Variants in MCTP1 observed in about 807,000 individuals in gnomAD.
The protein encoded by MCTP1 is multiple C2 and transmembrane domain containing 1, also known as multiple C2 and transmembrane domain-containing protein 1.
A neutral mutation model predicts 120.6 loss-of-function variants in MCTP1; 69 were observed. The observed-to-expected ratio is 0.57, with a 90% CI of 0.47 to 0.70. The LOEUF is 0.70. MCTP1 is among the 30% of genes least tolerant of loss of function. MCTP1 has a pLI of 0.00. For missense variants in MCTP1, 1,203 were observed against 1,248.8 expected (o/e 0.96, Z 0.55); for synonymous variants, 529 against 493.1 (o/e 1.07, Z -0.96).
At chr5:94,988,241 T>C (rs1036296004) in intron 2 of MCTP1, among the ~76,000 whole-genome samples, 2 of 152,234 alleles carry the variant, frequency 1.3e-5, no homozygotes, top group Non-Finnish European at 2.9e-5. Flanking sequence ...ACTTAGGGTT[T>C]ATATTAATAT....
intron 2 of MCTP1, among the ~76,000 whole-genome samples, chr5:95,001,375 G>A (rs893346076): frequency 1.3e-5 from 2 of 152,182 alleles, no homozygotes; most frequent in Non-Finnish European, 2.9e-5. Flanking sequence ...AGTTTGGAGG[G>A]CTCCGAAGAA....
chr5:95,234,010 C>G (rs1198429971), intron 1 of MCTP1, among the ~76,000 whole-genome samples: 1 of 144,002 alleles, frequency 6.9e-6, no homozygotes, highest in Non-Finnish European at 1.5e-5. Flanking sequence ...CCAGGCAGAT[C>G]AGAGAAGAAA....
intron 1 of MCTP1, among the ~76,000 whole-genome samples, chr5:95,210,736 T>C (rs1412335277): frequency 4.6e-5 from 7 of 152,120 alleles, no homozygotes; most frequent in African/African-American, 1.4e-4. Context: ...GCTGGTTATT[T>C]TGCTCGTTAG....
intron 21 of MCTP1, 25 bp downstream of exon 21, chr5:94,710,793 G>C (rs375240142): frequency 6.8e-7 from 1 of 1,470,658 alleles, no homozygotes; most frequent in East Asian, 2.3e-5. Context: ...AGACAGTTTG[G>C]GGGAGTGGGG....
chr5:95,277,485 T>C (rs756465112), intron 1 of MCTP1, among the ~76,000 whole-genome samples: 2 of 152,216 alleles, frequency 1.3e-5, no homozygotes, highest in Non-Finnish European at 2.9e-5. Context: ...TTTTGAAGCT[T>C]TTCCAGAGGT....
chr5:95,155,769 A>G (rs1745051749), intron 1 of MCTP1, among the ~76,000 whole-genome samples: 1 of 152,282 alleles, frequency 6.6e-6, no homozygotes, highest in Middle Eastern at 3.4e-3. Flanking sequence ...TTCCTCCCCC[A>G]TAGTGTTCAC....
chr5:94,968,681 A>C (rs6892740), intron 2 of MCTP1, among the ~76,000 whole-genome samples: 51,742 of 152,004 alleles, frequency 0.34, 9,093 homozygotes, highest in Middle Eastern at 0.42. Flanking sequence ...TATTGCATAA[A>C]ACCACAAGAT....
At chr5:94,775,870 C>T (rs990753619) in intron 19 of MCTP1, among the ~76,000 whole-genome samples, 1 of 150,228 alleles carries the variant, frequency 6.7e-6, no homozygotes, top group Non-Finnish European at 1.5e-5. Context: ...GGATCACAAA[C>T]CCTCACCTGA....
intron 11 of MCTP1, among the ~76,000 whole-genome samples, chr5:94,894,186 G>T (rs1041895053): frequency 6.6e-6 from 1 of 152,104 alleles, no homozygotes; most frequent in African/African-American, 2.4e-5. Context: ...ATGAAGTGAG[G>T]CTTTCCTGAG....
chr5:95,012,983 A>C (rs114586173), intron 2 of MCTP1, among the ~76,000 whole-genome samples: 1,878 of 152,274 alleles, frequency 0.012, 15 homozygotes, highest in Middle Eastern at 0.027. Context: ...CTCTTGCTCC[A>C]AACAGGTAGC....
intron 1 of MCTP1, among the ~76,000 whole-genome samples, chr5:95,054,139 T>C (rs964598036): frequency 6.6e-6 from 1 of 152,212 alleles, no homozygotes; most frequent in Non-Finnish European, 1.5e-5. Flanking sequence ...GATCTTATTC[T>C]GCTCCAATAT....
At chr5:95,082,560 G>A (rs1197486184) in intron 1 of MCTP1, among the ~76,000 whole-genome samples, 1 of 152,046 alleles carries the variant, frequency 6.6e-6, no homozygotes, top group Non-Finnish European at 1.5e-5. Context: ...GACATATAAG[G>A]TGAAGCATAT....
chr5:94,712,073 C>CT (rs1757229878), intron 20 of MCTP1, among the ~76,000 whole-genome samples: 1 of 152,152 alleles, frequency 6.6e-6, no homozygotes, highest in Non-Finnish European at 1.5e-5. Flanking sequence ...ATCATGTCCT[C>CT]TGACCCTTTA....
chr5:95,081,425 C>G, intron 1 of MCTP1: 1 of 1,611,192 alleles, frequency 6.2e-7, no homozygotes, highest in Non-Finnish European at 8.5e-7. Flanking sequence ...ATGTTACTTA[C>G]CTTATTACAA....
chr5:94,720,639 T>C (rs1299823598), intron 19 of MCTP1, among the ~76,000 whole-genome samples: 2 of 152,198 alleles, frequency 1.3e-5, no homozygotes, highest in Non-Finnish European at 2.9e-5. Context: ...AATATTCCAG[T>C]AATGGAAGTT....
chr5:94,934,465 T>C (rs149866432), intron 5 of MCTP1, among the ~76,000 whole-genome samples: 1 of 151,972 alleles, frequency 6.6e-6, no homozygotes, highest in East Asian at 1.9e-4. Flanking sequence ...TGAAGTAGCA[T>C]AAAAATATGG....
intron 17 of MCTP1, among the ~76,000 whole-genome samples, chr5:94,857,023 T>C (rs1278297256): frequency 6.6e-6 from 1 of 151,722 alleles, no homozygotes; most frequent in Non-Finnish European, 1.5e-5. Context: ...ATGATGAGAA[T>C]AATGAGTGTG....
At chr5:94,842,611 A>T (rs369768198) in intron 17 of MCTP1, among the ~76,000 whole-genome samples, 14 of 152,222 alleles carry the variant, frequency 9.2e-5, no homozygotes, top group African/African-American at 3.1e-4. Context: ...TTATCTTTGC[A>T]ATATGATAAA....
intron 1 of MCTP1, among the ~76,000 whole-genome samples, chr5:95,267,423 A>G (rs1355250424): frequency 2.0e-5 from 3 of 152,240 alleles, no homozygotes; most frequent in South Asian, 4.1e-4. Context: ...AGCACTGATA[A>G]TGAGACATCA....
Sources: gnomAD v4.1 joint callset for allele counts (sites outside exome capture counted in the v4.1 genomes callset) on GRCh38, gnomAD v4.1.1 for gene constraint, MANE v1.5 for transcripts, NCBI Gene and HGNC (gene_info 2026-07-23, HGNC 2026-07-21) for gene names.